The following ITGA2 variants were observed in gnomAD, a reference collection of about 807,000 sequenced individuals.
The protein encoded by ITGA2 is integrin alpha-2.
ITGA2 carries 101 observed loss-of-function variants against 146.3 expected under a neutral mutation model. The observed-to-expected ratio is 0.69, with a 90% CI of 0.59 to 0.81. The LOEUF is 0.81. ITGA2 is among the 40% of genes least tolerant of loss of function. The probability of loss-of-function intolerance (pLI) is 0.00; values close to 1 mark genes in which losing one functional copy is unlikely to be tolerated. For missense variants in ITGA2, 1,281 were observed against 1,402.7 expected, an observed-to-expected ratio of 0.91 and a Z score of 1.39; for synonymous variants, 477 against 487.1, an observed-to-expected ratio of 0.98 and a Z score of 0.27.
chr5:53,005,843 C>T (rs2111719527), intron 1 of ITGA2, among the ~76,000 whole-genome samples: 1 of 152,224 alleles, frequency 6.6e-6, no homozygotes, highest in Non-Finnish European at 1.5e-5. Flanking sequence ...TGCTCAAGGT[C>T]ACAGTACTAT....
In ITGA2 at chr5:53,075,009, G is replaced by T; in HGVS notation, c.2665-52G>T. 5.2e-6 allele frequency: 6 copies of T among 1,149,226 alleles called. No homozygotes were observed. The Admixed American group carries it at 5.4e-5, about 10-fold the overall frequency. 71.2% of individuals were successfully genotyped at this position (1,149,226 alleles called of 1,614,324 possible). ...TGAGAAACATTTTTTTTTTCACGTT[G>T]GCCTCTGAGTATGAAGCATCATAGA... On this transcript the variant is annotated intron_variant, in intron 21 of 29. Coordinates refer to ENST00000296585, the MANE Select transcript of ITGA2 (RefSeq NM_002203.4).
intron 1 of ITGA2, among the ~76,000 whole-genome samples, chr5:52,995,968 G>A (rs750096755): frequency 1.3e-5 from 2 of 152,082 alleles, no homozygotes; most frequent in African/African-American, 2.4e-5. Flanking sequence ...GAAGGAAGAG[G>A]TAGTGAATAG....
intron 28 of ITGA2, chr5:53,089,274 TC>T (rs1740291050): frequency 6.6e-6 from 1 of 152,086 alleles, no homozygotes; most frequent in Non-Finnish European, 1.5e-5. Context: ...TGAGACACTT[TC>T]CCCAATTAAT....
intron 4 of ITGA2, among the ~76,000 whole-genome samples, chr5:53,047,325 A>G (rs1744139805): frequency 6.6e-6 from 1 of 152,138 alleles, no homozygotes; most frequent in Non-Finnish European, 1.5e-5. Flanking sequence ...TTTTTCATGT[A>G]TCAATTTTAA....
intron 2 of ITGA2, among the ~76,000 whole-genome samples, chr5:53,036,388 G>A (rs181200037): frequency 1.6e-4 from 25 of 152,050 alleles, no homozygotes; most frequent in Admixed American, 1.3e-3. Context: ...TAATCATTAC[G>A]TACAAGTCAC....
At chr5:53,065,222 T>G in intron 14 of ITGA2, 107 bp downstream of exon 14, 1 of 1,110,716 alleles carries the variant, frequency 9.0e-7, no homozygotes, top group Non-Finnish European at 1.4e-6. Flanking sequence ...TTTTGTAACT[T>G]CATTCTTTCA....
rs565864750 is a variant in ITGA2, at chr5:53,061,956, C to A, written c.1459-830C>A. ...TCTTTTTTAATATTTTAAAGAAGTT[C>A]TTCTTTAATTTAGAAAATAACAGTG... On this transcript the variant is annotated intron_variant, in intron 12 of 29. Coordinates refer to ENST00000296585, the MANE Select transcript of ITGA2 (RefSeq NM_002203.4). 4.0e-5 allele frequency among the ~76,000 whole-genome samples: 6 copies of A among 151,890 alleles called. No individual in the cohort carries two copies. In the East Asian group the frequency reaches 1.2e-3, roughly 30 times the overall value.
chr5:53,049,372 CA>C (rs1489729401), intron 6 of ITGA2, among the ~76,000 whole-genome samples: 1 of 152,122 alleles, frequency 6.6e-6, no homozygotes, highest in Non-Finnish European at 1.5e-5. Context: ...CCATGAGTTA[CA>C]TTTTAAAATT....
In ITGA2 at chr5:53,066,760, C is replaced by G. The variant is rs192743879; in HGVS notation, c.1944-358C>G. On this transcript the variant is annotated intron_variant, in intron 15 of 29. Transcript: ENST00000296585. ...AAACTTTTATGTGGAAAAAATAAAA[C>G]TCAAGAATAATACTTAAGACTTTAA... Among the ~76,000 whole-genome samples the G allele has an allele frequency of 2.0e-5, 3 of 151,492 alleles. No homozygotes were observed. In the South Asian group the frequency reaches 6.2e-4, roughly 31 times the overall value.
At chr5:53,044,922 G>A (rs1488199629) in intron 3 of ITGA2, 79 bp from the exon 4 acceptor site, 1 of 945,950 alleles carries the variant, frequency 1.1e-6, no homozygotes, top group African/African-American at 1.6e-5. Context: ...GCAAACATGG[G>A]TGTGCCTGTT....
chr5:53,023,303 G>A (rs1052960836), intron 1 of ITGA2, among the ~76,000 whole-genome samples: 3 of 152,136 alleles, frequency 2.0e-5, no homozygotes, highest in Non-Finnish European at 2.9e-5. Flanking sequence ...CTATGCCTAC[G>A]TTTAACATGA....
chr5:53,080,563 C>T lies in ITGA2; in HGVS notation c.2981C>T (p.Pro994Leu). The T allele has an allele frequency of 6.2e-7, 1 of 1,613,674 alleles. No homozygotes were observed. Among genetic ancestry groups the T allele is most frequent in the Non-Finnish European group, 8.5e-7 (1 of 1,179,742 alleles). The change falls in exon 25 of 30, where the codon CCT (proline) becomes CTT (leucine). Residue 994 changes from proline to leucine, a missense_variant. Physicochemically the swap from Pro to Leu is moderately conservative, Grantham distance 98 (BLOSUM62 -3). Coordinates refer to ENST00000296585, the MANE Select transcript of ITGA2 (RefSeq NM_002203.4). ...ATGGCAACTGTAATCATCCACATCCCTCAGTATACCAAAGAAAAGAACCCA... is the reference window on the plus strand; with the variant it reads ...ATGGCAACTGTAATCATCCACATCCTTCAGTATACCAAAGAAAAGAACCCA... ...VSMATVIIHI[P>L]QYTKEKNPLM... is the part of the protein sequence containing the mutation.
rs1338044566 is a variant in ITGA2, at chr5:53,093,277, A to T, written c.*2678A>T. 2.6e-5 allele frequency: 4 copies of T among 152,218 alleles called. No individual in the cohort carries two copies. Among genetic ancestry groups the T allele is most frequent in the African/African-American group, 9.7e-5 (4 of 41,430 alleles). The allele number at this position is 152,218 out of a possible 1,614,324, so 9.4% of individuals were successfully genotyped here. ...TATACGGAACTTGAAAGCTTTGGTT[A>T]GCCTTGCCTTAGGTAATCAGCCTAG... On this transcript the variant is annotated 3_prime_UTR_variant, in exon 30 of 30. Transcript: ENST00000296585.
intron 2 of ITGA2, among the ~76,000 whole-genome samples, chr5:53,032,483 A>G (rs964986148): frequency 1.3e-5 from 2 of 152,188 alleles, no homozygotes; most frequent in African/African-American, 4.8e-5. Context: ...GTGACTCAGA[A>G]ATGTTAAGTA....
chr5:53,029,201 G>A (rs1743104203), intron 2 of ITGA2, among the ~76,000 whole-genome samples: 1 of 152,144 alleles, frequency 6.6e-6, no homozygotes, highest in African/African-American at 2.4e-5. Context: ...GAACCTGGGA[G>A]GCAGAGGTTG....
intron 4 of ITGA2, 88 bp from the exon 5 acceptor site, chr5:53,048,275 A>G (rs1744188138): frequency 1.1e-6 from 1 of 943,246 alleles, no homozygotes; most frequent in Non-Finnish European, 1.7e-6. Flanking sequence ...AGAAAAGAGT[A>G]GAGATGATTT....
Position 53,090,638 on chromosome 5 carries a change from C to A in ITGA2, c.*39C>A, listed in dbSNP as rs374282668. The A allele has an allele frequency of 3.3e-6, 5 of 1,527,028 alleles. No individual in the cohort carries two copies. The African/African-American group carries it at 5.5e-5, about 17-fold the overall frequency. The allele number at this position is 1,527,028 out of a possible 1,614,324, so 94.6% of individuals were successfully genotyped here. ...CCTGCAGTGGGAACCGGCAGCATCC[C>A]AGCCAGGGTTTGCTGTTTGCGTGAA... On this transcript the variant is annotated 3_prime_UTR_variant, in exon 30 of 30. Transcript: ENST00000296585.
Position 53,065,266 on chromosome 5 carries a change from C to T in ITGA2, c.1806+151C>T. On this transcript the variant is annotated intron_variant, in intron 14 of 29. Transcript: ENST00000296585. ...ATATAAAGTGAGCCTCTACTGTGTGCCCAAGCACTGTTCTAGAGTCTGGGG... is the reference window on the plus strand; with the variant it reads ...ATATAAAGTGAGCCTCTACTGTGTGTCCAAGCACTGTTCTAGAGTCTGGGG... 3 of 800,860 alleles carry T rather than the reference C, an allele frequency of 3.7e-6. No homozygotes were observed. In the East Asian group the frequency reaches 8.0e-5, roughly 21 times the overall value. 49.6% of individuals were successfully genotyped at this position (800,860 alleles called of 1,614,324 possible). A position where few individuals can be genotyped will look rare whatever the true frequency, so the allele number is the denominator to read the frequency against.
intron 1 of ITGA2, among the ~76,000 whole-genome samples, chr5:53,008,410 A>G (rs2111731328): frequency 6.6e-6 from 1 of 150,970 alleles, no homozygotes; most frequent in African/African-American, 2.4e-5. Context: ...AAATACAATC[A>G]CATTGAGGGT....
Sources: allele counts gnomAD v4.1 joint callset (sites outside exome capture counted in the v4.1 genomes callset), GRCh38; gene constraint gnomAD v4.1.1; transcripts MANE v1.5; gene names NCBI Gene and HGNC (gene_info 2026-07-23, HGNC 2026-07-21).